Variants in HACD4 observed in about 807,000 individuals in gnomAD.
HACD4 encodes the protein very-long-chain (3R)-3-hydroxyacyl-CoA dehydratase 4.
In HACD4, 35 loss-of-function variants were observed where a neutral mutation model predicts 33.3. That is an observed-to-expected ratio of 1.05 (90% CI 0.80 to 1.39). HACD4 has a LOEUF of 1.39. Ranked by LOEUF, HACD4 falls within the 40% of genes most tolerant of loss-of-function variation. HACD4 has a pLI of 0.00. For synonymous variants in HACD4, 118 were observed against 98.0 expected (o/e 1.20, Z -1.21); for missense variants, 323 against 276.5 (o/e 1.17, Z -1.19).
At chr9:21,015,851 C>G (rs1842542432) in intron 4 of HACD4, 47 bp downstream of exon 4, 4 of 1,245,932 alleles carry the variant, frequency 3.2e-6, no homozygotes, top group Non-Finnish European at 4.7e-6. Context: ...GGTTTCACTG[C>G]AGAAAGCAAT....
intron 5 of HACD4, among the ~76,000 whole-genome samples, chr9:21,010,461 C>A (rs1174885323): frequency 8.0e-6 from 1 of 125,648 alleles, no homozygotes; most frequent in Non-Finnish European, 1.7e-5. Context: ...CTGGTACCCC[C>A]CCCCCCCCCA....
chr9:21,025,922 AATG>A (rs1177071394), intron 3 of HACD4, among the ~76,000 whole-genome samples: 1 of 152,232 alleles, frequency 6.6e-6, no homozygotes, highest in Non-Finnish European at 1.5e-5. Context: ...TGCAGTTCAG[AATG>A]ATTAAATGAC....
intron 1 of HACD4, among the ~76,000 whole-genome samples, chr9:21,031,181 G>A (rs1008316402): frequency 6.6e-6 from 1 of 152,050 alleles, no homozygotes; most frequent in Non-Finnish European, 1.5e-5. Flanking sequence ...AAATCTATAC[G>A]TGTGATAGGT....
chr9:20,999,936 T>A lies in HACD4; in HGVS notation c.*7101A>T, dbSNP rs571015552. 56 of 152,312 alleles carry A rather than the reference T, an allele frequency of 3.7e-4. No individual in the cohort carries two copies. Among genetic ancestry groups the A allele is most frequent in the African/African-American group, 1.3e-3 (53 of 41,576 alleles). 9.4% of individuals were successfully genotyped at this position (152,312 alleles called of 1,614,324 possible). ...CAAAGCCCTTTATAATTTGCAAAAGTTTAATTTACCATATGTCATTTAGTC... is the reference window on the plus strand; with the variant it reads ...CAAAGCCCTTTATAATTTGCAAAAGATTAATTTACCATATGTCATTTAGTC... On this transcript the variant is annotated 3_prime_UTR_variant, in exon 7 of 7. Transcript: ENST00000495827.
At chr9:21,027,954 G>T (rs1818105454) in intron 2 of HACD4, among the ~76,000 whole-genome samples, 1 of 152,094 alleles carries the variant, frequency 6.6e-6, no homozygotes, top group African/African-American at 2.4e-5. Flanking sequence ...GGCCAATGTG[G>T]TGAAACCCCG....
In HACD4 at chr9:21,010,456, A is replaced by AC. The variant is rs57375934; in HGVS notation, c.490+1132dup. Among the ~76,000 whole-genome samples the AC allele has an allele frequency of 4.2e-3, 442 of 104,656 alleles. 21 individuals are homozygous for AC. Among genetic ancestry groups the AC allele is most frequent in the African/African-American group, 8.7e-3 (197 of 22,522 alleles). The allele number at this position is 104,656 out of a possible 152,430, so 68.7% of individuals were successfully genotyped here. ...AAGAAACAGACTCAGACATCCTGGT[A>AC]CCCCCCCCCCCCCCAGAGCTTACAG... On this transcript the variant is annotated intron_variant, in intron 5 of 6. Transcript: ENST00000495827.
At chr9:21,019,382 C>T (rs116578250) in intron 3 of HACD4, among the ~76,000 whole-genome samples, 1,848 of 152,078 alleles carry the variant, frequency 0.012, 34 homozygotes, top group African/African-American at 0.039. Context: ...TAATAATTAG[C>T]ATCTATTGTT....
At chr9:21,030,764 C>T (rs1390996215) in intron 1 of HACD4, among the ~76,000 whole-genome samples, 2 of 152,162 alleles carry the variant, frequency 1.3e-5, no homozygotes, top group African/African-American at 4.8e-5. Context: ...TTGCTCATAC[C>T]AGAAGAGGGA....
intron 2 of HACD4, among the ~76,000 whole-genome samples, chr9:21,028,670 C>A (rs186592999): frequency 6.6e-6 from 1 of 152,266 alleles, no homozygotes; most frequent in South Asian, 2.1e-4. Flanking sequence ...TACCCACGTG[C>A]GGATGGAACA....
At position 21,006,569 on chromosome 9, in the gene HACD4, C is replaced by T. The variant is rs1342750472; in HGVS notation, c.*468G>A. 2 of 195,244 alleles carry T rather than the reference C, an allele frequency of 1.0e-5. No homozygotes were observed. The highest frequency in any genetic ancestry group is 2.4e-5 in the African/African-American group (1 of 41,612). The allele number at this position is 195,244 out of a possible 1,614,324, so 12.1% of individuals were successfully genotyped here. The stretch of plus-strand genomic sequence containing the variant: ...GAGTATTATTAGATCTGAAGACAGA[C>T]ATCTGTCTATGAAATATGTTATTCT... On this transcript the variant is annotated 3_prime_UTR_variant, in exon 7 of 7. Transcript: ENST00000495827. The surrounding 1 kb of genome is among the most constrained non-coding windows in gnomAD (Gnocchi z 4.6).
intron 2 of HACD4, among the ~76,000 whole-genome samples, chr9:21,027,673 C>T (rs779237681): frequency 1.3e-5 from 2 of 152,194 alleles, no homozygotes; most frequent in African/African-American, 2.4e-5. Flanking sequence ...AGGTATAACA[C>T]GTTCAGGGTT....
At chr9:21,018,842 C>G (rs995230479) in intron 3 of HACD4, among the ~76,000 whole-genome samples, 1 of 151,992 alleles carries the variant, frequency 6.6e-6, no homozygotes, top group Admixed American at 6.6e-5. Context: ...GAATCCTAAA[C>G]TCCAGGTTGA....
intron 2 of HACD4, among the ~76,000 whole-genome samples, chr9:21,028,119 G>C (rs113602156): frequency 8.6e-6 from 1 of 116,858 alleles, no homozygotes; most frequent in African/African-American, 3.2e-5. Context: ...TGGGCGACAA[G>C]AGGGAAACTC....
Position 21,006,767 on chromosome 9 carries a change from C to T in HACD4, c.*270G>A, listed in dbSNP as rs1462607465. On this transcript the variant is annotated 3_prime_UTR_variant, in exon 7 of 7. Coordinates refer to ENST00000495827, the MANE Select transcript of HACD4 (RefSeq NM_001010915.5). The surrounding 1 kb of genome is among the most constrained non-coding windows in gnomAD (Gnocchi z 4.6). ...TTAAACTTACAGGAAAATAATCAGACTTCATACAATGTAAGTATAACTTGT... is the reference window on the plus strand; with the variant it reads ...TTAAACTTACAGGAAAATAATCAGATTTCATACAATGTAAGTATAACTTGT... The T allele has an allele frequency of 2.6e-6, 1 of 382,466 alleles. No individual in the cohort carries two copies. Among genetic ancestry groups the T allele is most frequent in the Non-Finnish European group, 4.8e-6 (1 of 209,594 alleles). The allele number at this position is 382,466 out of a possible 1,614,324, so 23.7% of individuals were successfully genotyped here.
chr9:21,025,528 A>G (rs1429995529), intron 3 of HACD4, among the ~76,000 whole-genome samples: 3 of 152,188 alleles, frequency 2.0e-5, no homozygotes. Context: ...GGATACCTAA[A>G]ATTATACTCA....
Position 21,031,620 on chromosome 9 carries a change from G to A in HACD4, c.-30C>T, listed in dbSNP as rs1433476902. 8 of 1,385,032 alleles carry A rather than the reference G, an allele frequency of 5.8e-6. No homozygotes were observed. Among genetic ancestry groups the A allele is most frequent in the Non-Finnish European group, 7.4e-6 (8 of 1,074,986 alleles). 85.8% of individuals were successfully genotyped at this position (1,385,032 alleles called of 1,614,324 possible). Reference sequence around the variant, plus strand: ...CGCCGCCGCCAGGGCTTCCAGCGCGGTCCAGGAAGGAGTACCGGGGAGGAG... The same window carrying A: ...CGCCGCCGCCAGGGCTTCCAGCGCGATCCAGGAAGGAGTACCGGGGAGGAG... On this transcript the variant is annotated 5_prime_UTR_variant, in exon 1 of 7. Coordinates refer to ENST00000495827, the MANE Select transcript of HACD4 (RefSeq NM_001010915.5).
In HACD4 at chr9:21,011,669, A is replaced by G. The variant is rs189125285; in HGVS notation, c.410T>C (p.Ile137Thr). 12 of 1,605,822 alleles carry G rather than the reference A, an allele frequency of 7.5e-6. No individual in the cohort carries two copies. In the Admixed American group the frequency reaches 2.0e-4, roughly 27 times the overall value. ...VRYTYSMLSV[I>T]GISYAVLTWL... ...TGTCAAGACAGCATAGGATATTCCT[A>G]TGACTGATAACATGCTATAAGTGTA... Residue 137 changes from isoleucine (I) to threonine (T), a missense_variant, in exon 5 of 7, where the codon ATA becomes ACA. Transcript: ENST00000495827.
chr9:21,030,396 A>G (rs1279153933), intron 1 of HACD4, among the ~76,000 whole-genome samples: 2 of 152,086 alleles, frequency 1.3e-5, no homozygotes, highest in Admixed American at 6.5e-5. Context: ...GAACCGAGAC[A>G]GCGCCACTGC....
chr9:21,020,630 T>C (rs1817884779), intron 3 of HACD4, among the ~76,000 whole-genome samples: 1 of 152,170 alleles, frequency 6.6e-6, no homozygotes, highest in African/African-American at 2.4e-5. Flanking sequence ...GAGGAGGGGA[T>C]TGGAGAGGAG....
Sources: gnomAD v4.1 joint callset for allele counts (sites outside exome capture counted in the v4.1 genomes callset) on GRCh38, gnomAD v4.1.1 for gene constraint, Gnocchi (gnomAD v3.1) non-coding constraint, MANE v1.5 for transcripts, NCBI Gene and HGNC (gene_info 2026-07-23, HGNC 2026-07-21) for gene names.